Variants in AHCTF1 observed in about 807,000 individuals in gnomAD.
AHCTF1 encodes AT-hook containing transcription factor 1, also known as protein ELYS.
AHCTF1 carries 24 observed loss-of-function variants against 248.4 expected under a neutral mutation model. That is an observed-to-expected ratio of 0.10 (90% CI 0.07 to 0.14). AHCTF1 has a LOEUF of 0.14. Among genes scored for constraint, AHCTF1 ranks in the 10% least tolerant of loss-of-function variants. The probability of loss-of-function intolerance (pLI) is 1.00; values close to 1 mark genes in which losing one functional copy is unlikely to be tolerated. For missense variants in AHCTF1, 2,206 were observed against 2,636.2 expected (o/e 0.84, Z 3.57); for synonymous variants, 786 against 929.8 (o/e 0.85, Z 2.81).
intron 4 of AHCTF1, 23 bp downstream of exon 4, chr1:246,913,207 TGG>T: frequency 6.7e-7 from 1 of 1,502,432 alleles, no homozygotes; most frequent in Non-Finnish European, 9.0e-7. Flanking sequence ...GCTCCATTTT[TGG>T]TTTCAAGTAA....
At chr1:246,857,653 C>G in intron 30 of AHCTF1, 38 bp downstream of exon 30, 1 of 1,564,330 alleles carries the variant, frequency 6.4e-7, no homozygotes, top group Non-Finnish European at 8.6e-7. Flanking sequence ...CATTAAACTT[C>G]TTTCTAAAAG....
Position 246,867,256 on chromosome 1 carries a change from TG to T in AHCTF1, c.3334del (p.Gln1112LysfsTer7). ...FFGTPISKAS[Q>X]KISRLLDLVV... ...AATAAACTCTTACCTAGAAATTTTT[TG>T]TGATGCTTTTGAAATTGGTGTTCCA... On this transcript the variant is annotated frameshift_variant, in exon 26 of 36. Transcript: ENST00000648844. LOFTEE classifies it high-confidence loss of function. 1 of 1,591,406 alleles carries T rather than the reference TG, an allele frequency of 6.3e-7. No homozygotes were observed. The highest frequency in any genetic ancestry group is 8.6e-7 in the Non-Finnish European group (1 of 1,165,590).
intron 4 of AHCTF1, among the ~76,000 whole-genome samples, chr1:246,909,024 T>C (rs1665596177): frequency 6.6e-6 from 1 of 151,626 alleles, no homozygotes; most frequent in Non-Finnish European, 1.5e-5. Context: ...CCGTTACCTG[T>C]AGTAAACCAA....
At chr1:246,853,040 T>C (rs775050161) in intron 32 of AHCTF1, 51 bp downstream of exon 32, 10 of 1,440,768 alleles carry the variant, frequency 6.9e-6, no homozygotes, top group Non-Finnish European at 9.5e-6. Context: ...TTGAAACAAC[T>C]AAACCAAAAC....
intron 3 of AHCTF1, among the ~76,000 whole-genome samples, chr1:246,915,729 A>G (rs1225707088): frequency 6.6e-6 from 1 of 152,190 alleles, no homozygotes; most frequent in Non-Finnish European, 1.5e-5. Flanking sequence ...CCAATCCAAG[A>G]CTATTGTCGC....
intron 23 of AHCTF1, among the ~76,000 whole-genome samples, 157 bp from the exon 24 acceptor site, chr1:246,876,344 A>G (rs1480227548): frequency 6.6e-6 from 1 of 152,166 alleles, no homozygotes; most frequent in African/African-American, 2.4e-5. Context: ...CCACATATCT[A>G]ATTTTTTTAT....
At chr1:246,892,300 AC>A (rs1664259710) in intron 14 of AHCTF1, among the ~76,000 whole-genome samples, 13 of 76,726 alleles carry the variant, frequency 1.7e-4, no homozygotes, top group Non-Finnish European at 2.4e-4. Flanking sequence ...AATTTGTTTT[AC>A]TTTTTTTTTT....
At chr1:246,868,611 TAA>T (rs36102148) in intron 24 of AHCTF1, among the ~76,000 whole-genome samples, 276 of 132,584 alleles carry the variant, frequency 2.1e-3, no homozygotes, top group African/African-American at 2.6e-3. Flanking sequence ...TGGTAAGTGG[TAA>T]AAAAAAAAAA....
At chr1:246,925,872 C>T (rs1666886184) in intron 1 of AHCTF1, among the ~76,000 whole-genome samples, 1 of 151,990 alleles carries the variant, frequency 6.6e-6, no homozygotes, top group Admixed American at 6.6e-5. Context: ...GAATTTGACA[C>T]CAGCCTGGGC....
chr1:246,911,479 CTTTTTTTTTT>C (rs35320501), intron 4 of AHCTF1, among the ~76,000 whole-genome samples: 1 of 99,490 alleles, frequency 1.0e-5, no homozygotes, highest in Non-Finnish European at 1.9e-5. Context: ...TATGAAGATT[CTTTTTTTTTT>C]TTTTTTTTTT....
In AHCTF1 at chr1:246,875,590, A is replaced by G. The variant is rs111449141; in HGVS notation, c.3088+447T>C. On this transcript the variant is annotated intron_variant, in intron 24 of 35. Coordinates refer to ENST00000648844, the MANE Select transcript of AHCTF1 (RefSeq NM_001323342.2). The stretch of plus-strand genomic sequence containing the variant: ...AAGGAAGAGTAAATTGACATGGCCA[A>G]CTTCACTGTGTCATCGTAAGAAACT... 9.0e-3 allele frequency among the ~76,000 whole-genome samples: 1,377 copies of G among 152,290 alleles called. 21 individuals are homozygous for G. The highest frequency in any genetic ancestry group is 0.031 in the African/African-American group (1,306 of 41,556).
chr1:246,924,060 C>A (rs1666764683), intron 1 of AHCTF1, among the ~76,000 whole-genome samples: 2 of 152,282 alleles, frequency 1.3e-5, no homozygotes, highest in Non-Finnish European at 1.5e-5. Context: ...CACTCCCCCT[C>A]CTATCTATTG....
rs746398092 is a variant in AHCTF1, at chr1:246,840,979, C to G, written c.6628G>C (p.Ala2210Pro). ...QASKNTEKES[A>P]WSPPPIEIRL... Reference sequence around the variant, plus strand: ...ATTTCTATGGGAGGAGGTGACCAAGCACTTTCTTTTTCTGTGTTTCTGAAA... The same window carrying G: ...ATTTCTATGGGAGGAGGTGACCAAGGACTTTCTTTTTCTGTGTTTCTGAAA... The change falls in exon 36 of 36, where the codon GCT becomes CCT. Residue 2210 changes from alanine (A) to proline (P), a missense_variant. Ala to Pro is a conservative substitution (Grantham distance 27). Transcript: ENST00000648844. 6.2e-7 allele frequency: 1 copy of G among 1,605,454 alleles called. No homozygotes were observed. The highest frequency in any genetic ancestry group is 8.5e-7 in the Non-Finnish European group (1 of 1,177,724).
intron 21 of AHCTF1, 49 bp downstream of exon 21, chr1:246,885,444 T>G: frequency 6.8e-7 from 1 of 1,468,714 alleles, no homozygotes; most frequent in Non-Finnish European, 9.2e-7. Context: ...CAATTCCATT[T>G]TATTAACAGA....
intron 31 of AHCTF1, among the ~76,000 whole-genome samples, chr1:246,855,183 A>G (rs560480961): frequency 1.3e-5 from 2 of 152,330 alleles, no homozygotes; most frequent in South Asian, 4.1e-4. Flanking sequence ...AGATGATCAG[A>G]CCAATTCTGG....
At chr1:246,891,276 A>G (rs764308177) in intron 15 of AHCTF1, among the ~76,000 whole-genome samples, 1 of 152,188 alleles carries the variant, frequency 6.6e-6, no homozygotes, top group Non-Finnish European at 1.5e-5. Flanking sequence ...CCAAAATGCT[A>G]AAATAAGTAA....
chr1:246,872,169 T>C (rs1662644198), intron 24 of AHCTF1, among the ~76,000 whole-genome samples: 1 of 151,398 alleles, frequency 6.6e-6, no homozygotes, highest in African/African-American at 2.4e-5. Context: ...CCTTACGCAA[T>C]TAGTTACTAA....
At chr1:246,922,809 T>C (rs111980491) in intron 1 of AHCTF1, among the ~76,000 whole-genome samples, 26,431 of 149,922 alleles carry the variant, frequency 0.18, 3,189 homozygotes, top group African/African-American at 0.34. Context: ...GGTGAAACCC[T>C]GTCTCTACTA....
At chr1:246,931,224 C>T in intron 1 of AHCTF1, 1 of 1,550,286 alleles carries the variant, frequency 6.5e-7, no homozygotes, top group South Asian at 1.2e-5. Flanking sequence ...CCAACGAGTC[C>T]ATCGCGTGGG....
Sources: gnomAD v4.1 joint callset for allele counts (sites outside exome capture counted in the v4.1 genomes callset) on GRCh38, gnomAD v4.1.1 for gene constraint, MANE v1.5 for transcripts, NCBI Gene and HGNC (gene_info 2026-07-23, HGNC 2026-07-21) for gene names.